MARCHF1: variants seen among roughly 807,000 people sequenced by gnomAD.
MARCHF1 encodes membrane associated ring-CH-type finger 1.
MARCHF1 carries 40 observed loss-of-function variants against 54.2 expected under a neutral mutation model. The ratio of observed to expected loss-of-function variants is 0.74; its 90% confidence interval spans 0.57 to 0.96. MARCHF1 has a LOEUF of 0.96. Among genes scored for constraint, MARCHF1 ranks in the 40% least tolerant of loss-of-function variants. The pLI is 0.00. For missense variants in MARCHF1, 586 were observed against 656.5 expected (o/e 0.89, Z 1.17); for synonymous variants, 236 against 236.3 (o/e 1.00, Z 0.01).
At chr4:164,060,139 A>G (rs1247533457) in intron 2 of MARCHF1, among the ~76,000 whole-genome samples, 1 of 152,138 alleles carries the variant, frequency 6.6e-6, no homozygotes, top group Non-Finnish European at 1.5e-5. Context: ...GTACAAGCAA[A>G]TGACAATTTT....
At chr4:163,687,945 A>G (rs181862998) in intron 5 of MARCHF1, among the ~76,000 whole-genome samples, 4 of 152,342 alleles carry the variant, frequency 2.6e-5, no homozygotes. Flanking sequence ...TAGAGATTTG[A>G]CAATTATCCA....
intron 4 of MARCHF1, among the ~76,000 whole-genome samples, chr4:163,788,635 T>C (rs897158618): frequency 5.9e-5 from 9 of 152,000 alleles, no homozygotes; most frequent in African/African-American, 1.7e-4. Flanking sequence ...ATGAATTTTG[T>C]AAAGAACCCC....
At chr4:164,242,976 T>A (rs1229948323) in intron 1 of MARCHF1, among the ~76,000 whole-genome samples, 2 of 139,106 alleles carry the variant, frequency 1.4e-5, no homozygotes, top group Non-Finnish European at 3.1e-5. Context: ...TATGGGACTA[T>A]GTGAAAAGAC....
rs369073501 is a variant in MARCHF1, at chr4:163,747,324, C to T, written c.112-46461G>A. Among the ~76,000 whole-genome samples the T allele has an allele frequency of 1.1e-4, 17 of 152,254 alleles. No homozygotes were observed. The East Asian group carries it at 1.9e-3, about 17-fold the overall frequency. ...AAAGTGATCCCAAGCTGTAGTGACCCGAGGTACTGGCAGAAACAAATATAA... is the reference window on the plus strand; with the variant it reads ...AAAGTGATCCCAAGCTGTAGTGACCTGAGGTACTGGCAGAAACAAATATAA... On this transcript the variant is annotated intron_variant, in intron 4 of 9. Transcript: ENST00000514618.
At chr4:164,377,063 C>T (rs1731214189) in intron 1 of MARCHF1, among the ~76,000 whole-genome samples, 1 of 152,178 alleles carries the variant, frequency 6.6e-6, no homozygotes, top group South Asian at 2.1e-4. Context: ...CTATTCCAGG[C>T]ATTCTCCGAC....
At chr4:163,767,952 T>C (rs374883470) in intron 4 of MARCHF1, among the ~76,000 whole-genome samples, 6 of 152,326 alleles carry the variant, frequency 3.9e-5, no homozygotes. Context: ...GAAATTTAGG[T>C]CTTTTTCCTG....
intron 7 of MARCHF1, among the ~76,000 whole-genome samples, chr4:163,588,371 G>T (rs1740478370): frequency 6.6e-6 from 1 of 152,194 alleles, no homozygotes; most frequent in African/African-American, 2.4e-5. Context: ...TGCCAGTTTA[G>T]TGTCATAGCA....
rs1040778294 is a variant in MARCHF1 at position 164,319,981 on chromosome 4, AT to A, written c.-323+63888del. On this transcript the variant is annotated intron_variant, in intron 1 of 9. Coordinates refer to ENST00000514618, the MANE Select transcript of MARCHF1 (RefSeq NM_001394959.1). ...ACATTTTAAGATTAACATATGTATA[AT>A]TTTTTTTACTGTAAGAGGGATAATA... is the stretch of plus-strand genomic sequence containing the variant. Among the ~76,000 whole-genome samples the A allele has an allele frequency of 2.8e-4, 43 of 152,124 alleles. No homozygotes were observed. The East Asian group carries it at 7.3e-3, about 26-fold the overall frequency.
At chr4:163,758,995 G>T (rs1019923805) in intron 4 of MARCHF1, among the ~76,000 whole-genome samples, 2 of 152,066 alleles carry the variant, frequency 1.3e-5, no homozygotes, top group Non-Finnish European at 2.9e-5. Context: ...AGATACTAGA[G>T]TTCCCGTTAT....
chr4:164,255,437 G>GA (rs1429135193), intron 1 of MARCHF1, among the ~76,000 whole-genome samples: 40 of 140,082 alleles, frequency 2.9e-4, no homozygotes, highest in African/African-American at 1.0e-3. Flanking sequence ...AAGTAGAAAA[G>GA]AAAAAAGTAA....
chr4:164,197,531 G>A (rs571268743), intron 1 of MARCHF1: 1 of 1,613,422 alleles, frequency 6.2e-7, no homozygotes, highest in East Asian at 2.2e-5. Flanking sequence ...TTTAACTTTG[G>A]TAAGTCTGAG....
chr4:163,920,000 TTTC>T (rs1471395769), intron 3 of MARCHF1, among the ~76,000 whole-genome samples: 4 of 152,172 alleles, frequency 2.6e-5, no homozygotes, highest in African/African-American at 9.7e-5. Context: ...CTTGATTGCA[TTTC>T]TTTACATTAA....
intron 1 of MARCHF1, among the ~76,000 whole-genome samples, chr4:164,167,466 T>C (rs1157773345): frequency 6.6e-6 from 1 of 151,426 alleles, no homozygotes; most frequent in Admixed American, 6.6e-5. Flanking sequence ...AAACCTGAAA[T>C]AGACAAACCA....
intron 1 of MARCHF1, among the ~76,000 whole-genome samples, chr4:164,120,702 A>G (rs1756047728): frequency 6.6e-6 from 1 of 152,162 alleles, no homozygotes; most frequent in African/African-American, 2.4e-5. Flanking sequence ...ATGCAAATAC[A>G]TGGAAATTAA....
At chr4:163,540,392 A>G (rs564173937) in intron 9 of MARCHF1, among the ~76,000 whole-genome samples, 47 of 152,132 alleles carry the variant, frequency 3.1e-4, no homozygotes, top group African/African-American at 9.6e-4. Context: ...GTGGGTGGCT[A>G]TTGGGGCCTT....
At chr4:164,139,762 T>C (rs188304147) in intron 1 of MARCHF1, among the ~76,000 whole-genome samples, 1 of 152,292 alleles carries the variant, frequency 6.6e-6, no homozygotes. Context: ...AACTAAAATT[T>C]AAAGAATGCT....
rs1483203497 is a variant in MARCHF1 at position 164,103,791 on chromosome 4, C to T, written c.-248+7797G>A. ...AGAGCAGAACTGAAGGAAATAGAGA[C>T]ACAAAAAACCCTTCAAAAAATTAAT... On this transcript the variant is annotated intron_variant, in intron 2 of 9. Transcript: ENST00000514618. 1.6e-4 allele frequency among the ~76,000 whole-genome samples: 18 copies of T among 112,532 alleles called. No individual in the cohort carries two copies. The East Asian group carries it at 4.2e-3, about 26-fold the overall frequency. 73.8% of individuals were successfully genotyped at this position (112,532 alleles called of 152,430 possible).
At chr4:163,536,938 A>G (rs1451034190) in intron 9 of MARCHF1, among the ~76,000 whole-genome samples, 1 of 152,140 alleles carries the variant, frequency 6.6e-6, no homozygotes, top group African/African-American at 2.4e-5. Context: ...GAGCACCCCA[A>G]TCCCCACATA....
chr4:164,186,212 C>T (rs545802368), intron 1 of MARCHF1, among the ~76,000 whole-genome samples: 3 of 152,070 alleles, frequency 2.0e-5, no homozygotes, highest in Non-Finnish European at 4.4e-5. Context: ...TTTTAATAAT[C>T]GTTGAAAATG....
Sources: gnomAD v4.1 joint callset for allele counts (sites outside exome capture counted in the v4.1 genomes callset) on GRCh38, gnomAD v4.1.1 for gene constraint, MANE v1.5 for transcripts, NCBI Gene and HGNC (gene_info 2026-07-23, HGNC 2026-07-21) for gene names.